CSMD1: variants seen among roughly 807,000 people sequenced by gnomAD.
The protein encoded by CSMD1 is CUB and Sushi multiple domains 1, also known as CUB and sushi domain-containing protein 1.
In CSMD1, 213 loss-of-function variants were observed where a neutral mutation model predicts 417.5. The observed-to-expected ratio is 0.51, with a 90% CI of 0.46 to 0.57. CSMD1 has a LOEUF of 0.57. Ranked by LOEUF, CSMD1 falls within the 20% of genes least tolerant of loss-of-function variation. The probability of loss-of-function intolerance (pLI) is 0.00; values close to 1 mark genes in which losing one functional copy is unlikely to be tolerated. For missense variants in CSMD1, 6,923 were observed against 4,529.7 expected (o/e 1.53, Z -15.17); for synonymous variants, 2,862 against 1,736.8 (o/e 1.65, Z -16.11).
chr8:3,526,294 G>A (rs767394426), intron 10 of CSMD1, among the ~76,000 whole-genome samples: 3 of 151,690 alleles, frequency 2.0e-5, no homozygotes, highest in Non-Finnish European at 4.4e-5. Flanking sequence ...AAAGCAAATA[G>A]ATATAGGCAA....
chr8:3,181,761 A>C (rs1292235251), intron 36 of CSMD1, among the ~76,000 whole-genome samples: 1 of 152,210 alleles, frequency 6.6e-6, no homozygotes, highest in Admixed American at 6.5e-5. Context: ...ATATAGGGCT[A>C]TTTTGACATA....
chr8:4,875,822 C>A (rs1230208770), intron 1 of CSMD1, among the ~76,000 whole-genome samples: 1 of 151,912 alleles, frequency 6.6e-6, no homozygotes, highest in Non-Finnish European at 1.5e-5. Flanking sequence ...CACACAGAGA[C>A]AGACACACAC....
chr8:2,963,446 G>T, intron 59 of CSMD1, 51 bp from the exon 60 acceptor site: 1 of 1,571,828 alleles, frequency 6.4e-7, no homozygotes, highest in Non-Finnish European at 8.7e-7. Context: ...CCGCTGCAGC[G>T]GTGATGTTCA....
At chr8:4,192,840 A>C (rs955776961) in intron 3 of CSMD1, among the ~76,000 whole-genome samples, 4 of 152,202 alleles carry the variant, frequency 2.6e-5, no homozygotes, top group Non-Finnish European at 2.9e-5. Flanking sequence ...TATTAAGCCC[A>C]AGATCACTCA....
intron 3 of CSMD1, among the ~76,000 whole-genome samples, chr8:4,087,240 AC>A (rs146155471): frequency 1.3e-5 from 2 of 152,238 alleles, no homozygotes; most frequent in East Asian, 3.9e-4. Flanking sequence ...GGCTAAGTCC[AC>A]CATGGCCATG....
intron 3 of CSMD1, among the ~76,000 whole-genome samples, chr8:4,309,665 G>A (rs189499630): frequency 5.3e-5 from 8 of 152,108 alleles, no homozygotes; most frequent in African/African-American, 9.6e-5. Context: ...CCGTATTTGA[G>A]CATATCACCT....
intron 23 of CSMD1, among the ~76,000 whole-genome samples, chr8:3,340,697 T>A (rs1358513096): frequency 6.6e-6 from 1 of 152,202 alleles, no homozygotes; most frequent in African/African-American, 2.4e-5. Flanking sequence ...TCAGCTTATT[T>A]ACTTATATTT....
chr8:4,145,897 G>T (rs1002575221), intron 3 of CSMD1, among the ~76,000 whole-genome samples: 1 of 151,004 alleles, frequency 6.6e-6, no homozygotes. Context: ...CTTGCTCAAT[G>T]CTCATCCCTT....
chr8:4,615,532 A>G (rs1801424538), intron 2 of CSMD1, among the ~76,000 whole-genome samples: 1 of 152,228 alleles, frequency 6.6e-6, no homozygotes, highest in Non-Finnish European at 1.5e-5. Context: ...AAAATATTGC[A>G]TATTTAGCAA....
chr8:4,285,006 A>G (rs554731309), intron 3 of CSMD1, among the ~76,000 whole-genome samples: 1 of 152,208 alleles, frequency 6.6e-6, no homozygotes, highest in African/African-American at 2.4e-5. Context: ...TATTTGTAAA[A>G]TGGGGATAAT....
chr8:3,147,486 C>T (rs1164117050), intron 40 of CSMD1, among the ~76,000 whole-genome samples: 1 of 152,188 alleles, frequency 6.6e-6, no homozygotes, highest in Non-Finnish European at 1.5e-5. Flanking sequence ...GGAACTGGAG[C>T]TGCTTCGGGA....
intron 5 of CSMD1, among the ~76,000 whole-genome samples, chr8:3,792,040 G>C (rs952518309): frequency 2.0e-5 from 3 of 151,868 alleles, no homozygotes; most frequent in Non-Finnish European, 2.9e-5. Context: ...AATTAACTTG[G>C]GCAACCTCAA....
intron 21 of CSMD1, among the ~76,000 whole-genome samples, chr8:3,352,882 A>AAAC (rs1808509493): frequency 1.3e-5 from 2 of 152,112 alleles, no homozygotes; most frequent in African/African-American, 4.8e-5. Flanking sequence ...AAAAAACACG[A>AAAC]AAACACATGG....
intron 50 of CSMD1, among the ~76,000 whole-genome samples, chr8:3,038,426 C>G (rs778007387): frequency 2.0e-5 from 3 of 152,190 alleles, no homozygotes; most frequent in African/African-American, 4.8e-5. Context: ...GTGTTCCATT[C>G]TTTGACTTGT....
At chr8:4,352,906 A>G (rs1363084474) in intron 3 of CSMD1, among the ~76,000 whole-genome samples, 2 of 152,228 alleles carry the variant, frequency 1.3e-5, no homozygotes. Context: ...ATGACACTAG[A>G]AAGATTTAGG....
chr8:4,181,837 C>G lies in CSMD1; in HGVS notation c.416-149738G>C, dbSNP rs1468014292. Among the ~76,000 whole-genome samples the G allele has an allele frequency of 2.0e-5, 3 of 152,100 alleles. No homozygotes were observed. The East Asian group carries it at 5.8e-4, about 29-fold the overall frequency. ...AATGCAAATGTAATATACATTCGTA[C>G]AAATAAAATGATAAATTCTCCTTTA... On this transcript the variant is annotated intron_variant, in intron 3 of 69. Transcript: ENST00000635120.
At chr8:4,121,866 G>C (rs1310697545) in intron 3 of CSMD1, among the ~76,000 whole-genome samples, 1 of 152,036 alleles carries the variant, frequency 6.6e-6, no homozygotes, top group South Asian at 2.1e-4. Flanking sequence ...AATACTCCAA[G>C]AAATTTAAAC....
At chr8:4,835,457 G>C (rs1324715767) in intron 1 of CSMD1, among the ~76,000 whole-genome samples, 2 of 152,162 alleles carry the variant, frequency 1.3e-5, no homozygotes, top group Non-Finnish European at 2.9e-5. Flanking sequence ...TGGAACTAAA[G>C]GGAGAGACAG....
chr8:4,142,704 G>C (rs1435336716), intron 3 of CSMD1, among the ~76,000 whole-genome samples: 2 of 151,054 alleles, frequency 1.3e-5, no homozygotes, highest in Non-Finnish European at 2.9e-5. Flanking sequence ...TGAGGTTTAG[G>C]GCATTCCTAG....
Sources: gnomAD v4.1 joint callset for allele counts (sites outside exome capture counted in the v4.1 genomes callset) on GRCh38, gnomAD v4.1.1 for gene constraint, MANE v1.5 for transcripts, NCBI Gene and HGNC (gene_info 2026-07-23, HGNC 2026-07-21) for gene names.